DNAH14: variants seen among roughly 807,000 people sequenced by gnomAD.
DNAH14 encodes the protein axonemal beta dynein heavy chain 14.
In DNAH14, 478 loss-of-function variants were observed where a neutral mutation model predicts 520.9. The ratio of observed to expected loss-of-function variants is 0.92; its 90% confidence interval spans 0.85 to 0.99. The LOEUF (loss-of-function observed/expected upper bound fraction) is 0.99, where lower values mean the gene tolerates loss of function less well. Among genes scored for constraint, DNAH14 ranks in the 50% least tolerant of loss-of-function variants. The pLI, the probability that DNAH14 is intolerant of heterozygous loss-of-function variation, is 0.00. For synonymous variants in DNAH14, 1,581 were observed against 1,757.2 expected, an observed-to-expected ratio of 0.90 and a Z score of 2.51; for missense variants, 4,831 against 5,234.5, an observed-to-expected ratio of 0.92 and a Z score of 2.38.
chr1:225,287,599 T>C (rs1271646485), intron 54 of DNAH14, among the ~76,000 whole-genome samples: 4 of 152,188 alleles, frequency 2.6e-5, no homozygotes, highest in Non-Finnish European at 5.9e-5. Flanking sequence ...AGGGTTAGTA[T>C]ACAAACATTT....
At chr1:225,317,146 G>A (rs1175274391) in intron 60 of DNAH14, among the ~76,000 whole-genome samples, 1 of 151,922 alleles carries the variant, frequency 6.6e-6, no homozygotes, top group Non-Finnish European at 1.5e-5. Flanking sequence ...TTATAACAGT[G>A]TTTTCTGATA....
chr1:225,196,577 T>C lies in DNAH14; in HGVS notation c.5886+3666T>C, dbSNP rs150179974. On this transcript the variant is annotated intron_variant, in intron 38 of 85. Transcript: ENST00000682510. ...CAAATGGTAGCTCTACTTTAGTTCT[T>C]TAAGAAATCTCCACACTGTTTTCCA... is the stretch of plus-strand genomic sequence containing the variant. Among the ~76,000 whole-genome samples, 56 of 152,304 alleles carry C rather than the reference T, an allele frequency of 3.7e-4. No homozygotes were observed. In the East Asian group the frequency reaches 7.7e-3, roughly 21 times the overall value.
At chr1:225,258,152 G>T in intron 45 of DNAH14, 34 bp downstream of exon 45, 1 of 1,437,282 alleles carries the variant, frequency 7.0e-7, no homozygotes, top group Non-Finnish European at 9.1e-7. Flanking sequence ...GAGAATTTCA[G>T]AGTTAGAAAA....
intron 71 of DNAH14, 28 bp from the exon 72 acceptor site, chr1:225,351,619 A>G: frequency 6.7e-7 from 1 of 1,501,518 alleles, no homozygotes; most frequent in Middle Eastern, 1.7e-4. Context: ...TATCTCTTCT[A>G]ATGTGATCAT....
chr1:225,088,940 G>T (rs2074071518), intron 21 of DNAH14, among the ~76,000 whole-genome samples: 1 of 152,124 alleles, frequency 6.6e-6, no homozygotes, highest in Non-Finnish European at 1.5e-5. Context: ...TATTTAACTG[G>T]TAGTTAAAAA....
intron 1 of DNAH14, among the ~76,000 whole-genome samples, chr1:224,937,177 T>C (rs1450200794): frequency 6.6e-6 from 1 of 151,984 alleles, no homozygotes; most frequent in Non-Finnish European, 1.5e-5. Context: ...TTGCCACTTT[T>C]ATTTGACATA....
intron 8 of DNAH14, among the ~76,000 whole-genome samples, chr1:224,975,134 T>A (rs2061731246): frequency 6.6e-6 from 1 of 151,732 alleles, no homozygotes; most frequent in Non-Finnish European, 1.5e-5. Context: ...TTGCCAGTAT[T>A]TTATTGAGGA....
In DNAH14 at chr1:225,185,442, A is replaced by G; in HGVS notation, c.5670+17A>G. The stretch of plus-strand genomic sequence containing the variant: ...GCTTCAAAGGTAAATGTTCTGTTAA[A>G]TAAAATGTTTCTCTATTTGTTCATA... On this transcript the variant is annotated intron_variant, in intron 37 of 85. Transcript: ENST00000682510. 1 of 1,512,730 alleles carries G rather than the reference A, an allele frequency of 6.6e-7. No individual in the cohort carries two copies. Among genetic ancestry groups the G allele is most frequent in the Non-Finnish European group, 8.8e-7 (1 of 1,133,448 alleles). The allele number at this position is 1,512,730 out of a possible 1,614,324, so 93.7% of individuals were successfully genotyped here.
intron 23 of DNAH14, among the ~76,000 whole-genome samples, chr1:225,112,794 T>A (rs1193945818): frequency 6.6e-6 from 1 of 152,084 alleles, no homozygotes; most frequent in African/African-American, 2.4e-5. Flanking sequence ...AGTATGTCAA[T>A]TGCATTTTTC....
At chr1:225,071,300 T>C (rs987609953) in intron 17 of DNAH14, among the ~76,000 whole-genome samples, 2 of 152,186 alleles carry the variant, frequency 1.3e-5, no homozygotes, top group Non-Finnish European at 2.9e-5. Context: ...CTTCAGTGTG[T>C]TTTTACAGTA....
intron 38 of DNAH14, among the ~76,000 whole-genome samples, chr1:225,199,450 C>T (rs1176946490): frequency 2.6e-5 from 4 of 152,052 alleles, no homozygotes; most frequent in African/African-American, 9.7e-5. Context: ...TGTGCTCTTT[C>T]AGTCTTTTTG....
Position 225,080,644 on chromosome 1 carries a change from G to C in DNAH14, c.3032G>C (p.Arg1011Pro), listed in dbSNP as rs3128652. 4 of 1,551,544 alleles carry C rather than the reference G, an allele frequency of 2.6e-6. No homozygotes were observed. The African/African-American group carries it at 4.1e-5, about 16-fold the overall frequency. ...KLWEAQEEWK[R>P]ASWEWRNSSL... Reference sequence around the variant, plus strand: ...TGGGAAGCACAAGAGGAGTGGAAGCGAGCCTCTTGGGAATGGAGGAATAGT... The same window carrying C: ...TGGGAAGCACAAGAGGAGTGGAAGCCAGCCTCTTGGGAATGGAGGAATAGT... Residue 1011 changes from arginine to proline, a missense_variant, in exon 19 of 86, where the codon CGA (arginine) becomes CCA (proline). Coordinates refer to ENST00000682510, the MANE Select transcript of DNAH14 (RefSeq NM_001367479.1).
chr1:225,155,116 T>C (rs1207992394), intron 34 of DNAH14, among the ~76,000 whole-genome samples: 1 of 152,082 alleles, frequency 6.6e-6, no homozygotes, highest in Non-Finnish European at 1.5e-5. Flanking sequence ...GACAAAAATA[T>C]AAAGTTGGGC....
chr1:225,164,856 A>C (rs556150059), intron 35 of DNAH14, among the ~76,000 whole-genome samples: 5 of 152,122 alleles, frequency 3.3e-5, no homozygotes, highest in South Asian at 2.1e-4. Context: ...GAAATGTTTT[A>C]TCTCTCTTTT....
intron 21 of DNAH14, among the ~76,000 whole-genome samples, chr1:225,087,036 A>ACACACACACACG (rs1267364820): frequency 3.6e-5 from 5 of 140,508 alleles, no homozygotes; most frequent in African/African-American, 1.3e-4. Context: ...ACACACACAC[A>ACACACACACACG]GCCTTCTACT....
At chr1:225,159,264 A>G in intron 34 of DNAH14, 50 bp from the exon 35 acceptor site, 1 of 1,430,574 alleles carries the variant, frequency 7.0e-7, no homozygotes, top group Non-Finnish European at 9.6e-7. Flanking sequence ...GTGTCTGCAG[A>G]GCAGACTCCC....
chr1:225,147,003 G>A (rs991878635), intron 30 of DNAH14, 101 bp from the exon 31 acceptor site: 9 of 934,172 alleles, frequency 9.6e-6, no homozygotes, highest in African/African-American at 1.7e-5. Flanking sequence ...GCCTTTGCTT[G>A]GTTTGGGTAG....
intron 27 of DNAH14, among the ~76,000 whole-genome samples, chr1:225,136,597 T>A (rs2078972191): frequency 6.6e-6 from 1 of 152,144 alleles, no homozygotes; most frequent in Non-Finnish European, 1.5e-5. Context: ...TTCTTTCATT[T>A]TGACCATGGA....
At chr1:225,004,134 C>A (rs560456930) in intron 9 of DNAH14, among the ~76,000 whole-genome samples, 1 of 151,914 alleles carries the variant, frequency 6.6e-6, no homozygotes, top group African/African-American at 2.4e-5. Flanking sequence ...CTATTATATG[C>A]GAAATGCTGT....
Sources: gnomAD v4.1 joint callset for allele counts (sites outside exome capture counted in the v4.1 genomes callset) on GRCh38, gnomAD v4.1.1 for gene constraint, MANE v1.5 for transcripts, NCBI Gene and HGNC (gene_info 2026-07-23, HGNC 2026-07-21) for gene names.